The following DGKB variants were observed in gnomAD, a reference collection of about 807,000 sequenced individuals.
DGKB encodes 90 kDa diacylglycerol kinase.
A neutral mutation model predicts 114.3 loss-of-function variants in DGKB; 67 were observed. The ratio of observed to expected loss-of-function variants is 0.59; its 90% CI spans 0.48 to 0.72. DGKB has a LOEUF of 0.72. Among genes scored for constraint, DGKB ranks in the 30% least tolerant of loss-of-function variants. The probability of loss-of-function intolerance (pLI) is 0.00; values close to 1 mark genes in which losing one functional copy is unlikely to be tolerated. For missense variants in DGKB, 907 were observed against 975.2 expected, an observed-to-expected ratio of 0.93 and a Z score of 0.93; for synonymous variants, 398 against 323.1, an observed-to-expected ratio of 1.23 and a Z score of -2.49.
At chr7:14,365,472 A>C (rs1816515287) in intron 21 of DGKB, among the ~76,000 whole-genome samples, 1 of 152,126 alleles carries the variant, frequency 6.6e-6, no homozygotes, top group Non-Finnish European at 1.5e-5. Flanking sequence ...TATAAATTCA[A>C]ATCCTGTCAC....
chr7:14,434,340 A>C (rs1828926846), intron 21 of DGKB, among the ~76,000 whole-genome samples: 4 of 152,100 alleles, frequency 2.6e-5, no homozygotes, highest in African/African-American at 7.2e-5. Context: ...GATGCGATTA[A>C]ATTTTAGGAT....
At chr7:14,528,996 G>C (rs1366856803) in intron 20 of DGKB, among the ~76,000 whole-genome samples, 2 of 152,048 alleles carry the variant, frequency 1.3e-5, no homozygotes, top group Admixed American at 1.3e-4. Flanking sequence ...CCAATCAAGG[G>C]GGTAGTTTAA....
At chr7:14,234,631 A>G (rs977513859) in intron 23 of DGKB, among the ~76,000 whole-genome samples, 6 of 152,086 alleles carry the variant, frequency 3.9e-5, no homozygotes, top group Admixed American at 2.0e-4. Context: ...ACAAAAAATC[A>G]TTCCAAAATA....
intron 23 of DGKB, among the ~76,000 whole-genome samples, chr7:14,227,004 C>T (rs1218169832): frequency 6.6e-6 from 1 of 152,010 alleles, no homozygotes; most frequent in Non-Finnish European, 1.5e-5. Flanking sequence ...TTCTAAGTAA[C>T]TGGGACTACA....
chr7:14,328,267 A>G (rs1006324578), intron 23 of DGKB, among the ~76,000 whole-genome samples: 2 of 152,062 alleles, frequency 1.3e-5, no homozygotes, highest in East Asian at 3.9e-4. Context: ...ATACATTTAT[A>G]TATTCGGTAA....
At chr7:14,277,284 C>A (rs1032791284) in intron 23 of DGKB, among the ~76,000 whole-genome samples, 2 of 152,114 alleles carry the variant, frequency 1.3e-5, no homozygotes, top group African/African-American at 4.8e-5. Context: ...GATTCTTGCA[C>A]CTCAGCCTCC....
chr7:14,339,166 C>T (rs16878148), intron 22 of DGKB, among the ~76,000 whole-genome samples: 3,339 of 151,152 alleles, frequency 0.022, 165 homozygotes, highest in East Asian at 0.15. Flanking sequence ...CATGGTCTCA[C>T]ACCTTTGGGG....
chr7:14,916,149 G>A (rs1384897105), intron 1 of DGKB, among the ~76,000 whole-genome samples: 1 of 151,854 alleles, frequency 6.6e-6, no homozygotes, highest in Admixed American at 6.6e-5. Flanking sequence ...CAGATTAGCT[G>A]CCAATACATA....
intron 2 of DGKB, among the ~76,000 whole-genome samples, chr7:14,840,735 CACACACACA>C (rs1847816177): frequency 4.4e-5 from 6 of 135,506 alleles, no homozygotes; most frequent in Admixed American, 8.0e-5. Context: ...CACACACACA[CACACACACA>C]CCTCTCCCTT....
At chr7:14,392,995 G>GTTTTTGTTTTTTTTTTTTTTT in intron 21 of DGKB, among the ~76,000 whole-genome samples, 3,715 of 60,370 alleles carry the variant, frequency 0.062, 1,174 homozygotes, top group East Asian at 0.27. Context: ...TTTTGTTTTT[G>GTTTTTGTTTTTTTTTTTTTTT]TTTTTTTTTT....
chr7:14,656,704 G>C (rs1360832558), intron 13 of DGKB, among the ~76,000 whole-genome samples: 1 of 148,198 alleles, frequency 6.7e-6, no homozygotes, highest in African/African-American at 2.5e-5. Flanking sequence ...GCTTACCCTG[G>C]GTACAGTTAT....
At chr7:14,347,274 C>G (rs766879679) in intron 21 of DGKB, among the ~76,000 whole-genome samples, 40 of 151,792 alleles carry the variant, frequency 2.6e-4, no homozygotes, top group Non-Finnish European at 3.4e-4. Flanking sequence ...TGGCTATTTT[C>G]AAAATACCTC....
chr7:14,958,426 AACACACACACACACACACACAC>A (rs754087921), intron 1 of DGKB, among the ~76,000 whole-genome samples: 16 of 122,856 alleles, frequency 1.3e-4, no homozygotes, highest in East Asian at 5.3e-4. Flanking sequence ...TACCTCTCCC[AACACACACACACACACACACAC>A]ACACACACAC....
chr7:14,910,270 G>T (rs1167231430), intron 1 of DGKB, among the ~76,000 whole-genome samples: 2 of 103,780 alleles, frequency 1.9e-5, no homozygotes, highest in South Asian at 2.6e-4. Flanking sequence ...AAGAAAGAAA[G>T]AAAGAAAGAA....
intron 1 of DGKB, among the ~76,000 whole-genome samples, chr7:14,896,791 G>A (rs1050450375): frequency 1.3e-5 from 2 of 151,722 alleles, no homozygotes; most frequent in African/African-American, 2.4e-5. Flanking sequence ...AACGCAGAAA[G>A]TAAGTTTCAA....
At chr7:14,565,163 G>C (rs919814267) in intron 20 of DGKB, among the ~76,000 whole-genome samples, 1 of 151,966 alleles carries the variant, frequency 6.6e-6, no homozygotes, top group African/African-American at 2.4e-5. Flanking sequence ...GTTTGCATTG[G>C]GCTTTACCCT....
At position 14,960,399 on chromosome 7, in the gene DGKB, G is replaced by A. The variant is rs1212971688; in HGVS notation, c.-188+14297C>T. ...TTTAATGAACCAAATATATTACCAG[G>A]ACTTACATTTATATACTAAAACTAC... On this transcript the variant is annotated intron_variant, in intron 1 of 4. Coordinates refer to the DGKB transcript ENST00000437998. Among the ~76,000 whole-genome samples the A allele has an allele frequency of 4.6e-5, 7 of 151,574 alleles. No homozygotes were observed. In the East Asian group the frequency reaches 1.4e-3, roughly 30 times the overall value.
chr7:14,840,953 C>A (rs1364166365), intron 2 of DGKB, among the ~76,000 whole-genome samples: 1 of 152,062 alleles, frequency 6.6e-6, no homozygotes, highest in African/African-American at 2.4e-5. Context: ...GTTTTCCAAG[C>A]CTAATTGTGC....
chr7:14,603,500 A>G (rs2128769949), intron 17 of DGKB, among the ~76,000 whole-genome samples: 1 of 152,246 alleles, frequency 6.6e-6, no homozygotes, highest in Non-Finnish European at 1.5e-5. Flanking sequence ...ATATAAAATG[A>G]TATTTTAAAT....
Sources: gnomAD v4.1 joint callset for allele counts (sites outside exome capture counted in the v4.1 genomes callset) on GRCh38, gnomAD v4.1.1 for gene constraint, MANE v1.5 for transcripts, NCBI Gene and HGNC (gene_info 2026-07-23, HGNC 2026-07-21) for gene names.